The following ACSBG1 variants were observed in gnomAD, a reference collection of about 807,000 sequenced individuals.
The protein encoded by ACSBG1 is acyl-CoA synthetase bubblegum family member 1.
A neutral mutation model predicts 80.2 loss-of-function variants in ACSBG1; 39 were observed. That is an observed-to-expected ratio of 0.49 (90% CI 0.38 to 0.64). The LOEUF is 0.64. Ranked by LOEUF, ACSBG1 falls within the 30% of genes least tolerant of loss-of-function variation. The pLI is 0.00. For synonymous variants in ACSBG1, 392 were observed against 379.5 expected (o/e 1.03, Z -0.38); for missense variants, 828 against 966.4 (o/e 0.86, Z 1.90).
intron 2 of ACSBG1, among the ~76,000 whole-genome samples, chr15:78,205,872 C>A (rs532920166): frequency 2.6e-4 from 39 of 152,310 alleles, no homozygotes; most frequent in African/African-American, 9.1e-4. Context: ...CCCAATCCCC[C>A]TTCTTGTACA....
chr15:78,225,786 A>T (rs940443968), intron 1 of ACSBG1, among the ~76,000 whole-genome samples: 9 of 152,250 alleles, frequency 5.9e-5, no homozygotes, highest in African/African-American at 2.2e-4. Flanking sequence ...AAAAAAAACA[A>T]ACACTATCTC....
Position 78,207,972 on chromosome 15 carries a change from GCCCCACCCTA to G in ACSBG1, c.232+20_232+29del. The stretch of plus-strand genomic sequence containing the variant: ...CCAGCACAGCACAGTTTCCCGCCCT[GCCCCACCCTA>G]CCACCCCCAGCTGGCTTACCTGGAG... On this transcript the variant is annotated intron_variant, in intron 2 of 13. Transcript: ENST00000258873. 1 of 771,040 alleles carries G rather than the reference GCCCCACCCTA, an allele frequency of 1.3e-6. No individual in the cohort carries two copies. Among genetic ancestry groups the G allele is most frequent in the South Asian group, 1.4e-5 (1 of 70,100 alleles). The allele number at this position is 771,040 out of a possible 1,614,324, so 47.8% of individuals were successfully genotyped here. A position where few individuals can be genotyped will look rare whatever the true frequency, so the allele number is the denominator to read the frequency against.
chr15:78,229,496 G>A (rs1471301897), intron 1 of ACSBG1, among the ~76,000 whole-genome samples: 1 of 152,188 alleles, frequency 6.6e-6, no homozygotes, highest in Admixed American at 6.5e-5. Context: ...GTCATCCTGG[G>A]AAAGCTCTGT....
At chr15:78,234,342 A>G (rs1166378940) in intron 1 of ACSBG1, 29 bp downstream of exon 1, 1 of 1,604,504 alleles carries the variant, frequency 6.2e-7, no homozygotes, top group Non-Finnish European at 8.5e-7. Flanking sequence ...CCACAGGTGC[A>G]GTGTGCAGAA....
At chr15:78,217,734 T>G (rs938288387) in intron 1 of ACSBG1, among the ~76,000 whole-genome samples, 3 of 151,814 alleles carry the variant, frequency 2.0e-5, no homozygotes, top group Non-Finnish European at 4.4e-5. Context: ...ACCCGGCTAA[T>G]TTTTGTATTT....
chr15:78,187,376 G>C (rs1438564981), intron 5 of ACSBG1, among the ~76,000 whole-genome samples: 2 of 151,708 alleles, frequency 1.3e-5, no homozygotes, highest in African/African-American at 4.9e-5. Context: ...AACCAAAAAA[G>C]AGAATTTTAG....
At chr15:78,191,438 A>G (rs1263690827) in intron 5 of ACSBG1, among the ~76,000 whole-genome samples, 1 of 152,238 alleles carries the variant, frequency 6.6e-6, no homozygotes, top group African/African-American at 2.4e-5. Context: ...AGAACCTTCT[A>G]GCCAACAACT....
chr15:78,205,644 G>A (rs2075206802), intron 2 of ACSBG1, among the ~76,000 whole-genome samples: 1 of 152,172 alleles, frequency 6.6e-6, no homozygotes, highest in Non-Finnish European at 1.5e-5. Flanking sequence ...CTACTGATAT[G>A]AAGATAAAAG....
intron 5 of ACSBG1, among the ~76,000 whole-genome samples, chr15:78,189,684 A>AG (rs2075039750): frequency 7.7e-6 from 1 of 130,244 alleles, no homozygotes; most frequent in African/African-American, 2.9e-5. Flanking sequence ...GGGTGGGGTG[A>AG]GGGGGGAGGG....
intron 8 of ACSBG1, chr15:78,181,197 G>A: frequency 6.4e-6 from 3 of 467,694 alleles, no homozygotes; most frequent in Non-Finnish European, 3.8e-6. Context: ...AACTCTCCAT[G>A]AGTCTAACTT....
At chr15:78,222,398 T>C (rs2075365891) in intron 1 of ACSBG1, among the ~76,000 whole-genome samples, 1 of 152,238 alleles carries the variant, frequency 6.6e-6, no homozygotes, top group Non-Finnish European at 1.5e-5. Context: ...ATGTGGTGGC[T>C]GACGCCTGTA....
chr15:78,228,742 T>C lies in ACSBG1; in HGVS notation c.131+5629A>G, dbSNP rs568135647. 2.0e-5 allele frequency among the ~76,000 whole-genome samples: 3 copies of C among 152,302 alleles called. No homozygotes were observed. The East Asian group carries it at 5.8e-4, about 29-fold the overall frequency. On this transcript the variant is annotated intron_variant, in intron 1 of 13. Coordinates refer to ENST00000258873, the MANE Select transcript of ACSBG1 (RefSeq NM_015162.5). The stretch of plus-strand genomic sequence containing the variant: ...ATTTCCTGTGGCTTTTACATGATAG[T>C]CCCAAATCTGCCCTGTTCCCACTGG...
chr15:78,233,656 A>G (rs999861097), intron 1 of ACSBG1, among the ~76,000 whole-genome samples: 12 of 152,150 alleles, frequency 7.9e-5, no homozygotes, highest in Non-Finnish European at 1.3e-4. Context: ...CCTCCTGGAC[A>G]CAAATCACAG....
chr15:78,180,248 C>T (rs2074928526), intron 9 of ACSBG1, among the ~76,000 whole-genome samples: 1 of 152,178 alleles, frequency 6.6e-6, no homozygotes, highest in Non-Finnish European at 1.5e-5. Flanking sequence ...TGAAACATAC[C>T]ATTTCACAGG....
At chr15:78,193,695 C>T in intron 4 of ACSBG1, 69 bp from the exon 5 acceptor site, 1 of 1,541,866 alleles carries the variant, frequency 6.5e-7, no homozygotes, top group South Asian at 1.3e-5. Context: ...CCCACCCCCA[C>T]ATCTGTAGCC....
chr15:78,194,799 G>T, intron 2 of ACSBG1, 73 bp from the exon 3 acceptor site: 1 of 1,474,174 alleles, frequency 6.8e-7, no homozygotes, highest in Non-Finnish European at 9.3e-7. Context: ...GGCAGAGCTC[G>T]CAGCCCGTCT....
chr15:78,209,166 A>G (rs1430993656), intron 1 of ACSBG1: 1 of 455,570 alleles, frequency 2.2e-6, no homozygotes, highest in Non-Finnish European at 4.4e-6. Flanking sequence ...ATTCAGCCTC[A>G]CTCCTTGTCG....
chr15:78,182,724 T>G lies in ACSBG1; in HGVS notation c.725A>C (p.Lys242Thr), dbSNP rs2074961270. 6.2e-7 allele frequency: 1 copy of G among 1,614,140 alleles called. No homozygotes were observed. The highest frequency in any genetic ancestry group is 2.2e-5 in the East Asian group (1 of 44,900). ...CCATACCGTGTACACATTGGCCATC[T>G]TGTTTGGAGGAGGTTCTTTATATAT... is the stretch of plus-strand genomic sequence containing the variant. Reference protein sequence around the residue: ...VVIYKEPPPNKMANVYTMEEF... With the variant: ...VVIYKEPPPNTMANVYTMEEF... The change falls in exon 6 of 14, where the codon AAG becomes ACG. Residue 242 changes from lysine to threonine, a missense_variant. Lys to Thr is a moderately conservative substitution (Grantham distance 78). Transcript: ENST00000258873.
intron 2 of ACSBG1, among the ~76,000 whole-genome samples, chr15:78,198,959 C>A (rs1037597890): frequency 3.9e-5 from 6 of 152,162 alleles, no homozygotes; most frequent in African/African-American, 1.4e-4. Context: ...CCAGGATTTG[C>A]AAATGAAACC....
Sources: gnomAD v4.1 joint callset for allele counts (sites outside exome capture counted in the v4.1 genomes callset) on GRCh38, gnomAD v4.1.1 for gene constraint, MANE v1.5 for transcripts, NCBI Gene and HGNC (gene_info 2026-07-23, HGNC 2026-07-21) for gene names.